The following HMGCLL1 variants were observed in gnomAD, a reference collection of about 807,000 sequenced individuals.
The protein encoded by HMGCLL1 is 3-hydroxymethyl-3-methylglutaryl-CoA lyase, cytoplasmic.
HMGCLL1 carries 36 observed loss-of-function variants against 39.1 expected under a neutral mutation model. That is an observed-to-expected ratio of 0.92 (90% CI 0.71 to 1.22). The LOEUF is 1.22. Among genes scored for constraint, HMGCLL1 ranks in the 50% most tolerant of loss-of-function variants. HMGCLL1 has a pLI of 0.00. For missense variants in HMGCLL1, 451 were observed against 416.5 expected, an observed-to-expected ratio of 1.08 and a Z score of -0.72; for synonymous variants, 149 against 144.0, an observed-to-expected ratio of 1.03 and a Z score of -0.25.
the HMGCLL1 span, among the ~76,000 whole-genome samples, chr6:55,605,449 T>A: frequency 6.6e-6 from 1 of 152,194 alleles, no homozygotes; most frequent in Admixed American, 6.5e-5. Flanking sequence ...TACATTTGCA[T>A]CTATGTTACA....
intron 7 of HMGCLL1, among the ~76,000 whole-genome samples, chr6:55,449,441 AAC>A (rs1309611129): frequency 6.6e-6 from 1 of 152,220 alleles, no homozygotes; most frequent in Non-Finnish European, 1.5e-5. Flanking sequence ...TGGAGGAGAC[AAC>A]ACACTCATTT....
chr6:55,605,723 A>C, the HMGCLL1 span, among the ~76,000 whole-genome samples: 1 of 152,142 alleles, frequency 6.6e-6, no homozygotes, highest in Admixed American at 6.6e-5. Flanking sequence ...TATTTTCTAT[A>C]GTGCTGTATC....
At chr6:55,522,128 G>A (rs995137377) in intron 3 of HMGCLL1, among the ~76,000 whole-genome samples, 1 of 151,802 alleles carries the variant, frequency 6.6e-6, no homozygotes, top group Non-Finnish European at 1.5e-5. Flanking sequence ...TATAAAGGCT[G>A]AGATTGGTAT....
chr6:55,462,917 G>A (rs1221448112), intron 7 of HMGCLL1, among the ~76,000 whole-genome samples: 1 of 152,052 alleles, frequency 6.6e-6, no homozygotes, highest in Admixed American at 6.6e-5. Context: ...GGAAAGTTGT[G>A]CATGAAAGGT....
chr6:55,509,105 T>C (rs1455461835), intron 5 of HMGCLL1, among the ~76,000 whole-genome samples: 2 of 151,940 alleles, frequency 1.3e-5, no homozygotes, highest in African/African-American at 4.8e-5. Flanking sequence ...ACAAACCATA[T>C]GTATGAAAGA....
At chr6:55,458,881 G>A (rs1764438602) in intron 7 of HMGCLL1, among the ~76,000 whole-genome samples, 1 of 152,084 alleles carries the variant, frequency 6.6e-6, no homozygotes, top group Admixed American at 6.6e-5. Flanking sequence ...AGTATGCTAT[G>A]GGCCAAGGCT....
At chr6:55,440,183 G>A (rs1338978855) in intron 7 of HMGCLL1, among the ~76,000 whole-genome samples, 1 of 152,072 alleles carries the variant, frequency 6.6e-6, no homozygotes, top group Non-Finnish European at 1.5e-5. Flanking sequence ...TACATTATTG[G>A]TTCCTCACTA....
intron 3 of HMGCLL1, among the ~76,000 whole-genome samples, chr6:55,534,152 G>A (rs894076289): frequency 1.3e-5 from 2 of 152,020 alleles, no homozygotes; most frequent in Non-Finnish European, 2.9e-5. Context: ...ACTAAAATAG[G>A]TATTCTTTTT....
At chr6:55,544,779 G>A (rs976910045) in intron 1 of HMGCLL1, among the ~76,000 whole-genome samples, 9 of 152,128 alleles carry the variant, frequency 5.9e-5, no homozygotes, top group East Asian at 1.9e-4. Flanking sequence ...CATGAAATTA[G>A]TCAATTCAAT....
the HMGCLL1 span, among the ~76,000 whole-genome samples, chr6:55,590,292 A>C: frequency 6.6e-6 from 1 of 151,606 alleles, no homozygotes; most frequent in African/African-American, 2.4e-5. Context: ...AATAAAAAAA[A>C]AATGGGGAAA....
At chr6:55,634,735 T>C in the HMGCLL1 span, among the ~76,000 whole-genome samples, 1 of 152,106 alleles carries the variant, frequency 6.6e-6, no homozygotes, top group Non-Finnish European at 1.5e-5. Context: ...ATTTGGTCCG[T>C]TATTCAAATC....
the HMGCLL1 span, among the ~76,000 whole-genome samples, chr6:55,628,263 C>A: frequency 8.1e-6 from 1 of 123,818 alleles, no homozygotes; most frequent in Non-Finnish European, 1.6e-5. Flanking sequence ...ACATTTTTTT[C>A]TCTTTCAGCA....
the HMGCLL1 span, among the ~76,000 whole-genome samples, chr6:55,657,133 C>G: frequency 2.6e-5 from 4 of 151,912 alleles, no homozygotes; most frequent in African/African-American, 9.7e-5. Context: ...CAAAACTTTT[C>G]TCCCATTCTG....
chr6:55,478,748 A>T (rs569816119), intron 7 of HMGCLL1, among the ~76,000 whole-genome samples: 1 of 151,520 alleles, frequency 6.6e-6, no homozygotes, highest in Non-Finnish European at 1.5e-5. Context: ...TGTGGAGTCA[A>T]AGTTTGCATT....
At chr6:55,591,684 G>GTT in the HMGCLL1 span, among the ~76,000 whole-genome samples, 7 of 142,146 alleles carry the variant, frequency 4.9e-5, no homozygotes, top group Admixed American at 7.0e-5. Context: ...ACTTAAGGAA[G>GTT]TTTTTTTTTT....
the HMGCLL1 span, among the ~76,000 whole-genome samples, chr6:55,649,519 T>A: frequency 6.6e-6 from 1 of 151,956 alleles, no homozygotes; most frequent in Non-Finnish European, 1.5e-5. Flanking sequence ...TTTATCATTC[T>A]TGGCCGTCAG....
intron 1 of HMGCLL1, among the ~76,000 whole-genome samples, chr6:55,552,420 G>T (rs192770489): frequency 6.6e-6 from 1 of 151,912 alleles, no homozygotes; most frequent in Admixed American, 6.5e-5. Context: ...CTAAATTCAG[G>T]TATCTACTAT....
At chr6:55,442,272 G>A (rs760479872) in intron 7 of HMGCLL1, among the ~76,000 whole-genome samples, 5 of 151,992 alleles carry the variant, frequency 3.3e-5, no homozygotes, top group Non-Finnish European at 5.9e-5. Flanking sequence ...CAAAAATTTT[G>A]AATTCTTCTG....
the HMGCLL1 span, among the ~76,000 whole-genome samples, chr6:55,671,207 G>T: frequency 6.6e-6 from 1 of 151,712 alleles, no homozygotes; most frequent in East Asian, 1.9e-4. Flanking sequence ...AATATGTTAC[G>T]TTTCTTGGTA....
Sources: allele counts gnomAD v4.1 joint callset (sites outside exome capture counted in the v4.1 genomes callset), GRCh38; gene constraint gnomAD v4.1.1; transcripts MANE v1.5; gene names NCBI Gene and HGNC (gene_info 2026-07-23, HGNC 2026-07-21).